RTN1: variants seen among roughly 807,000 people sequenced by gnomAD.
The protein encoded by RTN1 is reticulon 1, also known as reticulon-1.
RTN1 carries 25 observed loss-of-function variants against 65.5 expected under a neutral mutation model. That is an observed-to-expected ratio of 0.38 (90% CI 0.28 to 0.53). RTN1 has a LOEUF of 0.53. RTN1 is among the 20% of genes least tolerant of loss of function. The pLI is 0.79. For missense variants in RTN1, 983 were observed against 1,025.4 expected (o/e 0.96, Z 0.57); for synonymous variants, 471 against 447.6 (o/e 1.05, Z -0.66).
chr14:59,649,978 T>C (rs1566672598), intron 3 of RTN1, among the ~76,000 whole-genome samples: 2 of 152,204 alleles, frequency 1.3e-5, no homozygotes, highest in Non-Finnish European at 2.9e-5. Flanking sequence ...TTATTTATAA[T>C]AGCAAAGACT....
intron 1 of RTN1, among the ~76,000 whole-genome samples, chr14:59,808,600 G>T (rs1268779985): frequency 6.6e-6 from 1 of 152,160 alleles, no homozygotes; most frequent in African/African-American, 2.4e-5. Flanking sequence ...CGTTTACAAG[G>T]CTGCAGTAAG....
chr14:59,805,772 A>G (rs552512905), intron 1 of RTN1, among the ~76,000 whole-genome samples: 2 of 152,294 alleles, frequency 1.3e-5, no homozygotes, highest in East Asian at 3.9e-4. Flanking sequence ...ATTTTACATT[A>G]TTAGGTTCTT....
At chr14:59,605,136 C>T (rs1881702135) in intron 5 of RTN1, 3 of 384,322 alleles carry the variant, frequency 7.8e-6, no homozygotes, top group Admixed American at 4.4e-5. Context: ...TTGATTCCAG[C>T]TCTGCCAGTG....
chr14:59,694,464 A>T (rs1247425680), intron 3 of RTN1, among the ~76,000 whole-genome samples: 1 of 152,220 alleles, frequency 6.6e-6, no homozygotes, highest in Non-Finnish European at 1.5e-5. Flanking sequence ...AGAATCAGAG[A>T]TTTATCACAA....
chr14:59,833,871 T>C (rs1887169218), intron 1 of RTN1, among the ~76,000 whole-genome samples: 1 of 152,228 alleles, frequency 6.6e-6, no homozygotes, highest in Non-Finnish European at 1.5e-5. Context: ...CATTGCAAGA[T>C]TCTTCTAAAC....
chr14:59,749,466 A>AT (rs1885354393), intron 1 of RTN1, among the ~76,000 whole-genome samples: 1 of 96,926 alleles, frequency 1.0e-5, no homozygotes. Flanking sequence ...ATATATATCT[A>AT]ATCTATCTAT....
At chr14:59,782,272 A>G (rs796539266) in intron 1 of RTN1, among the ~76,000 whole-genome samples, 54 of 152,322 alleles carry the variant, frequency 3.5e-4, no homozygotes, top group African/African-American at 1.2e-3. Flanking sequence ...ATAGGATAGA[A>G]GAGTACATAG....
In RTN1 at chr14:59,870,648, C is replaced by CGCGGCGACG; in HGVS notation, c.-27_-19dup. 3 of 1,364,548 alleles carry CGCGGCGACG rather than the reference C, an allele frequency of 2.2e-6. No homozygotes were observed. The highest frequency in any genetic ancestry group is 1.5e-5 in the African/African-American group (1 of 65,648). 84.5% of individuals were successfully genotyped at this position (1,364,548 alleles called of 1,614,324 possible). On this transcript the variant is annotated 5_prime_UTR_variant, in exon 1 of 9. Coordinates refer to ENST00000267484, the MANE Select transcript of RTN1 (RefSeq NM_021136.3). The surrounding 1 kb of genome is among the most constrained non-coding windows in gnomAD (Gnocchi z 5.1). ...GCGGCCATGGCTGGCGGTCCCCCGGCGCGGCGACGGCGGCTTGGCTGGGCA... is the reference window on the plus strand; with the variant it reads ...GCGGCCATGGCTGGCGGTCCCCCGGCGCGGCGACGGCGGCGACGGCGGCTTGGCTGGGCA...
chr14:59,829,353 C>T lies in RTN1; in HGVS notation c.241+41037G>A, dbSNP rs1334679475. ...ATGGGTGTTTGGAGGAGTTTCATGC[C>T]CCTGTAATTAAGGTATGCATTAAAA... is the stretch of plus-strand genomic sequence containing the variant. On this transcript the variant is annotated intron_variant, in intron 1 of 8. Transcript: ENST00000267484. The surrounding 1 kb of genome is among the most constrained non-coding windows in gnomAD (Gnocchi z 4.3). Among the ~76,000 whole-genome samples the T allele has an allele frequency of 6.6e-6, 1 of 151,920 alleles. No homozygotes were observed. The highest frequency in any genetic ancestry group is 2.4e-5 in the African/African-American group (1 of 41,340).
At chr14:59,761,989 G>T (rs548257242) in intron 1 of RTN1, among the ~76,000 whole-genome samples, 6 of 152,188 alleles carry the variant, frequency 3.9e-5, no homozygotes, top group Non-Finnish European at 7.3e-5. Flanking sequence ...ACACGACATG[G>T]CAGACAATGT....
At chr14:59,658,722 C>T (rs1883178841) in intron 3 of RTN1, among the ~76,000 whole-genome samples, 1 of 152,162 alleles carries the variant, frequency 6.6e-6, no homozygotes, top group South Asian at 2.1e-4. Flanking sequence ...AAAACTCCAT[C>T]CGATGGTCAC....
intron 2 of RTN1, among the ~76,000 whole-genome samples, chr14:59,734,910 A>G (rs977280293): frequency 6.6e-6 from 1 of 152,182 alleles, no homozygotes; most frequent in African/African-American, 2.4e-5. Flanking sequence ...ATCAATGAAA[A>G]GATCATCCCC....
chr14:59,753,137 A>C (rs1885566479), intron 1 of RTN1, among the ~76,000 whole-genome samples: 1 of 152,206 alleles, frequency 6.6e-6, no homozygotes, highest in South Asian at 2.1e-4. Flanking sequence ...GATGCCTCTG[A>C]GAACAGGGGC....
chr14:59,741,400 C>T (rs547069343), intron 2 of RTN1, among the ~76,000 whole-genome samples: 43 of 152,162 alleles, frequency 2.8e-4, no homozygotes, highest in Admixed American at 1.0e-3. Flanking sequence ...TTCTTCATAA[C>T]CATTATAACT....
At chr14:59,633,241 T>C (rs1882593524) in intron 3 of RTN1, among the ~76,000 whole-genome samples, 1 of 152,246 alleles carries the variant, frequency 6.6e-6, no homozygotes, top group African/African-American at 2.4e-5. Flanking sequence ...GTAAGATGGC[T>C]ATTTCACAGA....
chr14:59,869,591 GGC>G lies in RTN1; in HGVS notation c.241+797_241+798del, dbSNP rs201392570. Among the ~76,000 whole-genome samples the G allele has an allele frequency of 7.4e-3, 626 of 84,546 alleles. 6 individuals are homozygous for G. Among genetic ancestry groups the G allele is most frequent in the East Asian group, 0.036 (29 of 814 alleles). 55.5% of individuals were successfully genotyped at this position (84,546 alleles called of 152,430 possible). A position where few individuals can be genotyped will look rare whatever the true frequency, so the allele number is the denominator to read the frequency against. ...GCAATTTCCGGGGTGGGGGGGGGGG[GGC>G]GCTTAGACTGCTGGTAAACTGTACC... On this transcript the variant is annotated intron_variant, in intron 1 of 8. Coordinates refer to ENST00000267484, the MANE Select transcript of RTN1 (RefSeq NM_021136.3).
At chr14:59,713,499 G>A (rs530451884) in intron 3 of RTN1, among the ~76,000 whole-genome samples, 48 of 152,272 alleles carry the variant, frequency 3.2e-4, no homozygotes, top group African/African-American at 1.1e-3. Flanking sequence ...TTGGCATTCT[G>A]GTTTCGACCA....
chr14:59,849,088 T>C lies in RTN1; in HGVS notation c.241+21302A>G, dbSNP rs906448327. Among the ~76,000 whole-genome samples the C allele has an allele frequency of 1.3e-5, 2 of 152,232 alleles. No homozygotes were observed. The highest frequency in any genetic ancestry group is 1.9e-4 in the East Asian group (1 of 5,200). On this transcript the variant is annotated intron_variant, in intron 1 of 8. Coordinates refer to ENST00000267484, the MANE Select transcript of RTN1 (RefSeq NM_021136.3). This position sits in a 1 kb window ranked among gnomAD's most constrained non-coding sequence, Gnocchi z 4.5. ...AGACTCCTTTTCTATATGTAGTTTA[T>C]GGCCTTGGTTGGAAACAATAGAATT...
chr14:59,713,964 G>A (rs867642943), intron 3 of RTN1, among the ~76,000 whole-genome samples: 7 of 152,140 alleles, frequency 4.6e-5, no homozygotes, highest in East Asian at 1.9e-4. Context: ...GGCCGGGTGC[G>A]GTGGGTCACG....
Sources: allele counts gnomAD v4.1 joint callset (sites outside exome capture counted in the v4.1 genomes callset), GRCh38; gene constraint gnomAD v4.1.1; non-coding constraint Gnocchi (gnomAD v3.1); transcripts MANE v1.5; gene names NCBI Gene and HGNC (gene_info 2026-07-23, HGNC 2026-07-21).